Variants in ITIH6 observed in about 807,000 individuals in gnomAD.
The protein encoded by ITIH6 is inter-alpha-trypsin inhibitor heavy chain H6.
In ITIH6, 60 loss-of-function variants were observed where a neutral mutation model predicts 58.2. That is an observed-to-expected ratio of 1.03 (90% CI 0.84 to 1.28). The LOEUF is 1.28. ITIH6 is among the 50% of genes most tolerant of loss of function. The pLI, the probability that ITIH6 is intolerant of heterozygous loss-of-function variation, is 0.00. For synonymous variants in ITIH6, 493 were observed against 417.4 expected (o/e 1.18, Z -2.21); for missense variants, 1,290 against 1,021.1 (o/e 1.26, Z -3.59).
chrX:54,771,412 A>C (rs1221070601), intron 6 of ITIH6, among the ~76,000 whole-genome samples: 2 of 112,067 alleles, frequency 1.8e-5, no homozygotes, highest in African/African-American at 6.5e-5. Context: ...AGCTTCAGGA[A>C]TTTCTATGAA....
At chrX:54,791,819 G>A (rs757256391) in intron 3 of ITIH6, 107 bp downstream of exon 3, 10 of 472,604 alleles carry the variant, frequency 2.1e-5, no homozygotes, top group Non-Finnish European at 3.0e-5. Context: ...TAGAGGTCAT[G>A]TCCCCACTCT....
intron 5 of ITIH6, among the ~76,000 whole-genome samples, chrX:54,786,020 C>T (rs1184599237): frequency 9.0e-6 from 1 of 111,719 alleles, no homozygotes; most frequent in Non-Finnish European, 1.9e-5. Context: ...TGGGTGCACA[C>T]TCACTGTTGG....
At position 54,756,979 on chromosome X, in the gene ITIH6, G is replaced by A. The variant is rs776678411; in HGVS notation, c.3095C>T (p.Thr1032Ile). 15 of 1,178,230 alleles carry A rather than the reference G, an allele frequency of 1.3e-5. No individual in the cohort carries two copies. The highest frequency in any genetic ancestry group is 8.9e-5 in the Admixed American group (4 of 44,774). Residue 1032 changes from threonine (T) to isoleucine (I), a missense_variant, in exon 8 of 13, where the codon ACT (threonine) becomes ATT (isoleucine). By Grantham distance (89) the Thr-to-Ile change is moderately conservative. Transcript: ENST00000218436. ...LNPPAFYTFL[T>I]PDEDGSPNWD... ...ATGGCACTCACCATCTTCATCAGGA[G>A]TGAGGAAGGTATAGAAAGCTGGTGG...
chrX:54,757,821 T>C lies in ITIH6; in HGVS notation c.2253A>G (p.Ile751Met), dbSNP rs763110069. 10 of 1,208,967 alleles carry C rather than the reference T, an allele frequency of 8.3e-6. No individual in the cohort carries two copies. The African/African-American group carries it at 1.2e-4, about 15-fold the overall frequency. ...PGSLSHQNPD[I>M]LPTNSRTQVP... Reference sequence around the variant, plus strand: ...CTTGTGTCCTGGAGTTCGTGGGTAATATATCAGGATTCTGGTGTGATAGAG... The same window carrying C: ...CTTGTGTCCTGGAGTTCGTGGGTAACATATCAGGATTCTGGTGTGATAGAG... Residue 751 changes from isoleucine (I) to methionine (M), a missense_variant, in exon 8 of 13, where the codon ATA becomes ATG. Transcript: ENST00000218436.
At chrX:54,777,129 C>T (rs192683796) in intron 5 of ITIH6, among the ~76,000 whole-genome samples, 1 of 112,176 alleles carries the variant, frequency 8.9e-6, no homozygotes, top group African/African-American at 3.2e-5. Context: ...GACTGAAGAA[C>T]CTTTGGGCCT....
chrX:54,758,005 A>G lies in ITIH6; in HGVS notation c.2069T>C (p.Leu690Ser). 1.7e-6 allele frequency: 2 copies of G among 1,211,847 alleles called. No homozygotes were observed. Among genetic ancestry groups the G allele is most frequent in the Non-Finnish European group, 2.2e-6 (2 of 895,463 alleles). The part of the protein sequence containing the change: ...KMLSSKELEP[L>S]GESPHTLSMP... ...TGACAGGGTATGAGGGCTCTCTCCCAATGGCTCCAGCTCTTTGGAACTTAG... is the reference window on the plus strand; with the variant it reads ...TGACAGGGTATGAGGGCTCTCTCCCGATGGCTCCAGCTCTTTGGAACTTAG... Residue 690 changes from leucine (L) to serine (S), a missense_variant, in exon 8 of 13, where the codon TTG becomes TCG. Leu to Ser is a moderately radical substitution (Grantham distance 145, BLOSUM62 -2). Transcript: ENST00000218436.
At chrX:54,775,113 G>A (rs1929028476) in intron 5 of ITIH6, among the ~76,000 whole-genome samples, 1 of 111,422 alleles carries the variant, frequency 9.0e-6, no homozygotes, top group Admixed American at 9.4e-5. Flanking sequence ...TAATTCACAT[G>A]TGCAATTGCA....
Position 54,757,277 on chromosome X carries a change from G to C in ITIH6, c.2797C>G (p.Pro933Ala), listed in dbSNP as rs2147601427. 1 of 1,191,249 alleles carries C rather than the reference G, an allele frequency of 8.4e-7. No individual in the cohort carries two copies. The highest frequency in any genetic ancestry group is 1.1e-6 in the Non-Finnish European group (1 of 885,910). Residue 933 changes from proline to alanine, a missense_variant, in exon 8 of 13, where the codon CCC becomes GCC. Coordinates refer to ENST00000218436, the MANE Select transcript of ITIH6 (RefSeq NM_198510.3). ...LGEPLPMPFT[P>A]TLPPGRFWHQ... ...CAGAACCTTCCAGGGGGCAGAGTGG[G>C]AGTAAAGGGCATGGGGAGGGGTTCT...
At chrX:54,751,480 T>C in intron 11 of ITIH6, 100 bp from the exon 12 acceptor site, 1 of 979,348 alleles carries the variant, frequency 1.0e-6, no homozygotes, top group African/African-American at 1.9e-5. Flanking sequence ...GATTTGTGGC[T>C]AGAGGGCCGA....
intron 6 of ITIH6, among the ~76,000 whole-genome samples, chrX:54,764,344 G>A (rs1019017243): frequency 9.3e-5 from 10 of 107,026 alleles, no homozygotes; most frequent in Non-Finnish European, 1.3e-4. Context: ...GTGCCATGCT[G>A]GTGGGCTGCA....
intron 5 of ITIH6, among the ~76,000 whole-genome samples, chrX:54,779,246 C>A (rs1404013077): frequency 8.9e-6 from 1 of 111,917 alleles, no homozygotes; most frequent in Non-Finnish European, 1.9e-5. Context: ...AATATTATAA[C>A]ACTGTAACAG....
At position 54,758,093 on chromosome X, in the gene ITIH6, A is replaced by G. The variant is rs200982117; in HGVS notation, c.1981T>C (p.Ser661Pro). Residue 661 changes from serine (S) to proline (P), a missense_variant, in exon 8 of 13, where the codon TCA (serine) becomes CCA (proline). Physicochemically the swap from Ser to Pro is moderately conservative, Grantham distance 74 (BLOSUM62 -1). Coordinates refer to ENST00000218436, the MANE Select transcript of ITIH6 (RefSeq NM_198510.3). The part of the protein sequence containing the change: ...ALVPKVISPK[S>P]RPVKPKFYLS... ...TAGAACTTTGGTTTCACAGGCCTTG[A>G]TTTGGGGGAGATGACCTTGGGCACC... The G allele has an allele frequency of 4.3e-5, 52 of 1,209,373 alleles. No individual in the cohort carries two copies. Among genetic ancestry groups the G allele is most frequent in the Non-Finnish European group, 2.2e-6 (2 of 895,096 alleles).
In ITIH6 at chrX:54,758,207, G is replaced by T; in HGVS notation, c.1867C>A (p.Gln623Lys). 1 of 1,210,745 alleles carries T rather than the reference G, an allele frequency of 8.3e-7. No homozygotes were observed. The part of the protein sequence containing the change: ...PKQASEETRR[Q>K]TSTSAGPDTI... ...TCTGGCCCAGCAGAGGTGGAAGTCT[G>T]TCTCCTGGTCTCCTCACTGGCCTGT... The change falls in exon 8 of 13, where the codon CAG becomes AAG. Residue 623 changes from glutamine to lysine, a missense_variant. Physicochemically the swap from Gln to Lys is moderately conservative, Grantham distance 53. Transcript: ENST00000218436.
At chrX:54,767,053 G>T (rs1174028456) in intron 6 of ITIH6, among the ~76,000 whole-genome samples, 2 of 110,711 alleles carry the variant, frequency 1.8e-5, no homozygotes, top group African/African-American at 6.7e-5. Flanking sequence ...ATTGGTTATT[G>T]CCACAATTTC....
rs770312909 is a variant in ITIH6, at chrX:54,757,695, T to G, written c.2379A>C (p.Gln793His). 8.3e-7 allele frequency: 1 copy of G among 1,210,722 alleles called. No individual in the cohort carries two copies. The highest frequency in any genetic ancestry group is 1.1e-6 in the Non-Finnish European group (1 of 895,035). The change falls in exon 8 of 13, where the codon CAA (glutamine) becomes CAC (histidine). Residue 793 changes from glutamine to histidine, a missense_variant. Physicochemically the swap from Gln to His is conservative, Grantham distance 24. Coordinates refer to ENST00000218436, the MANE Select transcript of ITIH6 (RefSeq NM_198510.3). ...HSKPGAPSHP[Q>H]LGALTSQAPK... ...GTGCCTGTGATGTGAGTGCCCCAAG[T>G]TGGGGGTGCGATGGAGCACCAGGTT...
At chrX:54,761,248 G>A (rs1347141539) in intron 6 of ITIH6, among the ~76,000 whole-genome samples, 1 of 112,303 alleles carries the variant, frequency 8.9e-6, no homozygotes, top group African/African-American at 3.2e-5. Flanking sequence ...TTTGAGAAGT[G>A]TCTGTTCATA....
At position 54,759,931 on chromosome X, in the gene ITIH6, T is replaced by A. The variant is rs199654564; in HGVS notation, c.904-4A>T. 2.5e-6 allele frequency: 3 copies of A among 1,198,003 alleles called. No individual in the cohort carries two copies. On this transcript the variant is annotated splice_region_variant and splice_polypyrimidine_tract_variant and intron_variant, in intron 6 of 12. Transcript: ENST00000218436. ...TCACATTCATGGCCGTTTTAGTCTGTGGGATATGGATGAAATGAAGAGAAT... is the reference window on the plus strand; with the variant it reads ...TCACATTCATGGCCGTTTTAGTCTGAGGGATATGGATGAAATGAAGAGAAT...
chrX:54,765,494 C>T (rs1038121572), intron 6 of ITIH6, among the ~76,000 whole-genome samples: 1 of 108,199 alleles, frequency 9.2e-6, no homozygotes, highest in African/African-American at 3.4e-5. Flanking sequence ...GCCAGTTTTC[C>T]CAGCACCATT....
chrX:54,774,924 G>A (rs1929025417), intron 5 of ITIH6, among the ~76,000 whole-genome samples: 1 of 111,705 alleles, frequency 9.0e-6, no homozygotes, highest in Non-Finnish European at 1.9e-5. Context: ...GTCTGTGCTG[G>A]CTGAGGGTCT....
Sources: gnomAD v4.1 joint callset for allele counts (sites outside exome capture counted in the v4.1 genomes callset) on GRCh38, gnomAD v4.1.1 for gene constraint, MANE v1.5 for transcripts, NCBI Gene and HGNC (gene_info 2026-07-23, HGNC 2026-07-21) for gene names.